Variants in QKI observed in about 807,000 individuals in gnomAD.
The protein encoded by QKI is QKI, KH domain containing RNA binding.
QKI carries 10 observed loss-of-function variants against 39.0 expected under a neutral mutation model. The ratio of observed to expected loss-of-function variants is 0.26; its 90% CI spans 0.16 to 0.43. QKI has a LOEUF of 0.43. QKI is among the 20% of genes least tolerant of loss of function. QKI has a pLI of 1.00. For synonymous variants in QKI, 204 were observed against 155.4 expected, an observed-to-expected ratio of 1.31 and a Z score of -2.33; for missense variants, 218 against 428.0, an observed-to-expected ratio of 0.51 and a Z score of 4.33.
intron 4 of QKI, among the ~76,000 whole-genome samples, chr6:163,552,365 C>T (rs1050324356): frequency 7.2e-5 from 11 of 151,806 alleles, no homozygotes; most frequent in Admixed American, 2.0e-4. Context: ...CCCGCCACCA[C>T]GCCTGGCTAA....
At chr6:163,556,521 AAAAC>A (rs1287818763) in intron 4 of QKI, among the ~76,000 whole-genome samples, 3 of 150,792 alleles carry the variant, frequency 2.0e-5, no homozygotes, top group East Asian at 1.9e-4. Flanking sequence ...AAAAAAAAAA[AAAAC>A]AACAAACAAC....
chr6:163,541,291 T>C (rs1781497512), intron 4 of QKI, among the ~76,000 whole-genome samples: 1 of 152,112 alleles, frequency 6.6e-6, no homozygotes. Flanking sequence ...ACTGTAGATT[T>C]CTAATTTGTT....
chr6:163,474,709 G>A (rs1792454952), intron 2 of QKI, among the ~76,000 whole-genome samples: 1 of 151,360 alleles, frequency 6.6e-6, no homozygotes, highest in Non-Finnish European at 1.5e-5. Flanking sequence ...GGGTGGAGTG[G>A]GGGTGAGGAT....
At chr6:163,445,727 A>G (rs1176928468) in intron 1 of QKI, among the ~76,000 whole-genome samples, 1 of 149,302 alleles carries the variant, frequency 6.7e-6, no homozygotes, top group African/African-American at 2.5e-5. Flanking sequence ...CCATTCTCCT[A>G]CCTCAGCCTC....
At chr6:163,439,356 G>GT (rs1789567331) in intron 1 of QKI, among the ~76,000 whole-genome samples, 3 of 116,538 alleles carry the variant, frequency 2.6e-5, no homozygotes, top group South Asian at 5.1e-4. Context: ...TTTTTTTTTC[G>GT]GGGGGGTGGG....
intron 2 of QKI, among the ~76,000 whole-genome samples, chr6:163,466,488 A>G (rs1791765306): frequency 6.6e-6 from 1 of 152,196 alleles, no homozygotes; most frequent in Admixed American, 6.5e-5. Flanking sequence ...CCTGATTTCA[A>G]ATTATATTAA....
intron 3 of QKI, among the ~76,000 whole-genome samples, chr6:163,493,906 G>A (rs1296646822): frequency 1.3e-5 from 2 of 151,992 alleles, no homozygotes; most frequent in Non-Finnish European, 2.9e-5. Flanking sequence ...AAGCTTATCT[G>A]TTTCACTTGT....
At position 163,577,372 on chromosome 6, in the gene QKI, A is replaced by G. The variant is rs1329719588; in HGVS notation, c.*6662A>G. ...TTTTGCTTTTTAAACTACTTGCCAT[A>G]ATTTAAAAGTGGCAACACTAGACTT... On this transcript the variant is annotated 3_prime_UTR_variant, in exon 8 of 8. Coordinates refer to ENST00000361752, the MANE Select transcript of QKI (RefSeq NM_006775.3). The G allele has an allele frequency of 6.6e-6, 1 of 151,806 alleles. No individual in the cohort carries two copies. The highest frequency in any genetic ancestry group is 1.5e-5 in the Non-Finnish European group (1 of 67,996). 9.4% of individuals were successfully genotyped at this position (151,806 alleles called of 1,614,324 possible). A position where few individuals can be genotyped will look rare whatever the true frequency, so the allele number is the denominator to read the frequency against.
Position 163,572,145 on chromosome 6 carries a change from TTCCAATC to T in QKI, c.*1437_*1443del, listed in dbSNP as rs1363154384. The T allele has an allele frequency of 2.6e-5, 4 of 152,238 alleles. No individual in the cohort carries two copies. The highest frequency in any genetic ancestry group is 6.5e-5 in the Admixed American group (1 of 15,280). The allele number at this position is 152,238 out of a possible 1,614,324, so 9.4% of individuals were successfully genotyped here. On this transcript the variant is annotated 3_prime_UTR_variant, in exon 8 of 8. Transcript: ENST00000361752. ...AAGAATAGTTTAATACTTTTGGTTATTCCAATCTTCAATGTTAACCCAAAGGATTCTG... is the reference window on the plus strand; with the variant it reads ...AAGAATAGTTTAATACTTTTGGTTATTTCAATGTTAACCCAAAGGATTCTG...
chr6:163,467,107 A>C (rs1791823609), intron 2 of QKI, among the ~76,000 whole-genome samples: 1 of 152,112 alleles, frequency 6.6e-6, no homozygotes, highest in South Asian at 2.1e-4. Flanking sequence ...TTTTTTCAAA[A>C]GAGAATATAC....
chr6:163,513,258 G>C (rs752945989), intron 3 of QKI, among the ~76,000 whole-genome samples: 46 of 152,144 alleles, frequency 3.0e-4, no homozygotes, highest in Non-Finnish European at 5.7e-4. Context: ...TAACTAAAAT[G>C]AAGGAAGTTT....
intron 3 of QKI, among the ~76,000 whole-genome samples, chr6:163,512,416 C>G (rs904434933): frequency 6.6e-6 from 1 of 151,938 alleles, no homozygotes; most frequent in African/African-American, 2.4e-5. Flanking sequence ...ATAGAAAGTT[C>G]TAAAGTATAT....
chr6:163,529,472 A>G (rs1313427942), intron 3 of QKI, among the ~76,000 whole-genome samples: 4 of 152,198 alleles, frequency 2.6e-5, no homozygotes. Context: ...CTTGGAGCAA[A>G]CTTTCTAATA....
intron 1 of QKI, among the ~76,000 whole-genome samples, chr6:163,435,230 A>G (rs980512436): frequency 2.6e-5 from 4 of 152,210 alleles, no homozygotes; most frequent in African/African-American, 9.6e-5. Context: ...ATAGGCTGCT[A>G]CCTCAGGTTG....
intron 4 of QKI, 44 bp from the exon 5 acceptor site, chr6:163,561,938 G>T: frequency 6.9e-7 from 1 of 1,439,758 alleles, no homozygotes; most frequent in South Asian, 1.2e-5. Flanking sequence ...TTATATTTGT[G>T]GACAGTCTCA....
chr6:163,563,869 C>G, intron 6 of QKI, 150 bp downstream of exon 6: 1 of 1,435,774 alleles, frequency 7.0e-7, no homozygotes. Flanking sequence ...ATTTCAGCCT[C>G]TCATAAGGGT....
At chr6:163,419,136 G>A (rs901449645) in intron 1 of QKI, among the ~76,000 whole-genome samples, 2 of 152,050 alleles carry the variant, frequency 1.3e-5, no homozygotes, top group African/African-American at 4.8e-5. Context: ...TAAACTTTCT[G>A]TCTGACCTCA....
intron 1 of QKI, among the ~76,000 whole-genome samples, chr6:163,426,068 A>T (rs1788379430): frequency 6.6e-6 from 1 of 152,202 alleles, no homozygotes; most frequent in South Asian, 2.1e-4. Flanking sequence ...TTACATAGTG[A>T]CATTACACTG....
At chr6:163,540,045 A>T (rs981082482) in intron 4 of QKI, among the ~76,000 whole-genome samples, 1 of 150,844 alleles carries the variant, frequency 6.6e-6, no homozygotes, top group African/African-American at 2.5e-5. Context: ...TCACATCTTG[A>T]ACTGTTTTTT....
Sources: gnomAD v4.1 joint callset for allele counts (sites outside exome capture counted in the v4.1 genomes callset) on GRCh38, gnomAD v4.1.1 for gene constraint, MANE v1.5 for transcripts, NCBI Gene and HGNC (gene_info 2026-07-23, HGNC 2026-07-21) for gene names.